ARPP21: variants seen among roughly 807,000 people sequenced by gnomAD.
ARPP21 encodes cAMP regulated phosphoprotein 21.
A neutral mutation model predicts 113.2 loss-of-function variants in ARPP21; 69 were observed. The observed-to-expected ratio is 0.61, with a 90% CI of 0.50 to 0.74. The LOEUF is 0.74. Among genes scored for constraint, ARPP21 ranks in the 30% least tolerant of loss-of-function variants. ARPP21 has a pLI of 0.00. For synonymous variants in ARPP21, 368 were observed against 375.5 expected (o/e 0.98, Z 0.23); for missense variants, 1,070 against 1,037.4 (o/e 1.03, Z -0.43).
intron 19 of ARPP21, among the ~76,000 whole-genome samples, chr3:35,784,146 T>A (rs2096582757): frequency 1.3e-5 from 2 of 152,202 alleles, no homozygotes; most frequent in Admixed American, 6.6e-5. Flanking sequence ...GCTTTTATGG[T>A]CATTTTTATA....
intron 19 of ARPP21, among the ~76,000 whole-genome samples, chr3:35,771,784 C>G (rs1300276904): frequency 6.6e-6 from 1 of 152,028 alleles, no homozygotes; most frequent in Non-Finnish European, 1.5e-5. Context: ...GAAGTAGTCT[C>G]TTAAGGGAAT....
chr3:35,752,842 G>C (rs1331429234), intron 19 of ARPP21, among the ~76,000 whole-genome samples: 2 of 151,948 alleles, frequency 1.3e-5, no homozygotes, highest in Non-Finnish European at 1.5e-5. Flanking sequence ...CACATTATTT[G>C]TATTAGGCAC....
At chr3:35,661,243 T>C (rs770441853) in intron 1 of ARPP21, among the ~76,000 whole-genome samples, 7 of 152,158 alleles carry the variant, frequency 4.6e-5, no homozygotes, top group Non-Finnish European at 8.8e-5. Context: ...ATACAGAATA[T>C]AATTTAATAT....
chr3:35,715,390 C>A, intron 11 of ARPP21, 49 bp from the exon 12 acceptor site: 1 of 1,535,544 alleles, frequency 6.5e-7, no homozygotes. Flanking sequence ...TTTGGGATCC[C>A]TCAGCATATC....
intron 18 of ARPP21, among the ~76,000 whole-genome samples, chr3:35,740,683 T>C (rs529231855): frequency 6.6e-6 from 1 of 152,306 alleles, no homozygotes; most frequent in Non-Finnish European, 1.5e-5. Context: ...GCTTAATTAT[T>C]GGGAAAAATA....
chr3:35,686,877 A>G (rs1011043070), intron 5 of ARPP21, among the ~76,000 whole-genome samples: 9 of 151,548 alleles, frequency 5.9e-5, no homozygotes, highest in East Asian at 2.0e-4. Context: ...TTGCTGATAT[A>G]TGTGAGTTAA....
intron 14 of ARPP21, among the ~76,000 whole-genome samples, chr3:35,726,921 A>G (rs982398625): frequency 6.6e-6 from 1 of 152,222 alleles, no homozygotes. Flanking sequence ...CTAGTGTCAA[A>G]TGTGTAACGT....
chr3:35,638,978 T>A (rs1226593018), upstream of ARPP21: 1 of 151,482 alleles, frequency 6.6e-6, no homozygotes, highest in Admixed American at 6.6e-5. Flanking sequence ...GTGGAGGGAG[T>A]GGAACAAGGC....
chr3:35,639,655 C>A lies in ARPP21; in HGVS notation c.-956C>A, dbSNP rs1697494664. ...ACAGCCTGAGAGAGGGAGACCAGAA[C>A]GCAAAGAGAGCGAGAGCATTAAGTA... On this transcript the variant is annotated 5_prime_UTR_variant, in exon 1 of 21. Coordinates refer to ENST00000684406, the MANE Select transcript of ARPP21 (RefSeq NM_001385562.1). The surrounding 1 kb of genome is among the most constrained non-coding windows in gnomAD (Gnocchi z 5.0). 6.5e-6 allele frequency: 1 copy of A among 153,224 alleles called. No homozygotes were observed. The highest frequency in any genetic ancestry group is 1.9e-4 in the East Asian group (1 of 5,168). 9.5% of individuals were successfully genotyped at this position (153,224 alleles called of 1,614,324 possible). A position where few individuals can be genotyped will look rare whatever the true frequency, so the allele number is the denominator to read the frequency against.
intron 19 of ARPP21, among the ~76,000 whole-genome samples, chr3:35,749,605 G>T (rs539371207): frequency 1.4e-4 from 22 of 151,970 alleles, no homozygotes; most frequent in South Asian, 8.3e-4. Flanking sequence ...GTATAAAATT[G>T]GTACTAAATC....
At position 35,789,332 on chromosome 3, in the gene ARPP21, A is replaced by T. The variant is rs1190207890; in HGVS notation, c.2138-3050A>T. Reference sequence around the variant, plus strand: ...TGTCTATTTCTGGACCAGAACTCAGATTCACATCCAGACAGCTGCCTGTCT... The same window carrying T: ...TGTCTATTTCTGGACCAGAACTCAGTTTCACATCCAGACAGCTGCCTGTCT... On this transcript the variant is annotated intron_variant, in intron 19 of 20. Coordinates refer to ENST00000684406, the MANE Select transcript of ARPP21 (RefSeq NM_001385562.1). Among the ~76,000 whole-genome samples the T allele has an allele frequency of 2.0e-5, 3 of 152,316 alleles. No individual in the cohort carries two copies. In the East Asian group the frequency reaches 5.8e-4, roughly 29 times the overall value.
intron 1 of ARPP21, among the ~76,000 whole-genome samples, chr3:35,658,770 G>A (rs1036844875): frequency 1.3e-5 from 2 of 151,830 alleles, no homozygotes; most frequent in African/African-American, 4.8e-5. Context: ...TGGCCCCCAG[G>A]CTCTGATGTG....
intron 9 of ARPP21, among the ~76,000 whole-genome samples, chr3:35,700,261 GA>G (rs1487089624): frequency 6.6e-6 from 1 of 151,740 alleles, no homozygotes; most frequent in Non-Finnish European, 1.5e-5. Context: ...ATGCAGAGCT[GA>G]AAAGACGTAA....
chr3:35,670,098 G>C (rs1294168337), intron 1 of ARPP21, among the ~76,000 whole-genome samples: 5 of 152,086 alleles, frequency 3.3e-5, no homozygotes, highest in African/African-American at 1.2e-4. Context: ...GGTAATGATA[G>C]CAGGTTCTAA....
chr3:35,733,030 C>T (rs1451772947), intron 15 of ARPP21, among the ~76,000 whole-genome samples: 1 of 152,152 alleles, frequency 6.6e-6, no homozygotes, highest in Middle Eastern at 3.2e-3. Flanking sequence ...AAATCTCTTT[C>T]TCTCACCCCT....
At chr3:35,727,467 G>A (rs2093620740) in intron 14 of ARPP21, among the ~76,000 whole-genome samples, 1 of 152,140 alleles carries the variant, frequency 6.6e-6, no homozygotes, top group South Asian at 2.1e-4. Flanking sequence ...TTCTTCTAAA[G>A]ATTATCATGC....
intron 9 of ARPP21, 151 bp downstream of exon 9, chr3:35,691,156 T>C (rs2082128265): frequency 6.0e-6 from 5 of 831,698 alleles, no homozygotes; most frequent in Non-Finnish European, 8.6e-6. Flanking sequence ...GGCATTTATC[T>C]GTAGAAGATT....
chr3:35,790,271 A>G lies in ARPP21; in HGVS notation c.2138-2111A>G, dbSNP rs144719125. On this transcript the variant is annotated intron_variant, in intron 19 of 20. Coordinates refer to ENST00000684406, the MANE Select transcript of ARPP21 (RefSeq NM_001385562.1). ...TATATGGACTTGAGAATGAGTGTAC[A>G]TTGCCTGCTCTTTGCTGTAGAACTA... 3.1e-3 allele frequency among the ~76,000 whole-genome samples: 466 copies of G among 152,328 alleles called. 2 individuals carry two copies. Among genetic ancestry groups the G allele is most frequent in the African/African-American group, 0.01 (430 of 41,584 alleles).
At chr3:35,682,033 T>C (rs561997660) in intron 3 of ARPP21, among the ~76,000 whole-genome samples, 153 bp downstream of exon 3, 1 of 151,978 alleles carries the variant, frequency 6.6e-6, no homozygotes, top group African/African-American at 2.4e-5. Context: ...TTTTTGTCAC[T>C]TTTTGTCCTA....
Sources: allele counts gnomAD v4.1 joint callset (sites outside exome capture counted in the v4.1 genomes callset), GRCh38; gene constraint gnomAD v4.1.1; non-coding constraint Gnocchi (gnomAD v3.1); transcripts MANE v1.5; gene names NCBI Gene and HGNC (gene_info 2026-07-23, HGNC 2026-07-21).